Variants in GPC5 observed in about 807,000 individuals in gnomAD.
GPC5 encodes the protein glypican 5.
GPC5 carries 47 observed loss-of-function variants against 53.9 expected under a neutral mutation model. The observed-to-expected ratio is 0.87, with a 90% CI of 0.69 to 1.11. GPC5 has a LOEUF of 1.11. Among genes scored for constraint, GPC5 ranks in the 50% most tolerant of loss-of-function variants. GPC5 has a pLI of 0.00. For synonymous variants in GPC5, 286 were observed against 263.3 expected, an observed-to-expected ratio of 1.09 and a Z score of -0.84; for missense variants, 748 against 713.1, an observed-to-expected ratio of 1.05 and a Z score of -0.56.
chr13:92,831,268 A>G (rs1878034287), intron 7 of GPC5, among the ~76,000 whole-genome samples: 1 of 152,142 alleles, frequency 6.6e-6, no homozygotes, highest in African/African-American at 2.4e-5. Context: ...TTGCACTTGA[A>G]GAGACCTATT....
At chr13:92,584,949 C>T (rs1019123990) in intron 7 of GPC5, among the ~76,000 whole-genome samples, 2 of 152,108 alleles carry the variant, frequency 1.3e-5, no homozygotes, top group Non-Finnish European at 2.9e-5. Flanking sequence ...GGTTTGGGAA[C>T]CTCCACCTAG....
At chr13:92,371,112 T>G (rs574402285) in intron 7 of GPC5, among the ~76,000 whole-genome samples, 1 of 152,328 alleles carries the variant, frequency 6.6e-6, no homozygotes, top group South Asian at 2.1e-4. Flanking sequence ...ATCATGCCAC[T>G]GTACTCCAGC....
At chr13:91,432,275 G>A (rs1183609816) in intron 1 of GPC5, among the ~76,000 whole-genome samples, 2 of 148,886 alleles carry the variant, frequency 1.3e-5, no homozygotes, top group African/African-American at 5.0e-5. Context: ...TGTCTTCTAA[G>A]CTGGTTAACC....
At chr13:92,129,702 A>C (rs2138959825) in intron 6 of GPC5, among the ~76,000 whole-genome samples, 1 of 152,342 alleles carries the variant, frequency 6.6e-6, no homozygotes. Context: ...ATGTCACTGA[A>C]TAGGTTTGCT....
chr13:92,758,398 C>T (rs937511370), intron 7 of GPC5, among the ~76,000 whole-genome samples: 3 of 151,422 alleles, frequency 2.0e-5, no homozygotes, highest in Non-Finnish European at 2.9e-5. Context: ...GTGGGTGCAG[C>T]GCACCAGCAT....
intron 2 of GPC5, among the ~76,000 whole-genome samples, chr13:91,656,694 G>A (rs913106115): frequency 3.3e-5 from 5 of 152,058 alleles, no homozygotes; most frequent in African/African-American, 4.8e-5. Context: ...TTTCATCCAC[G>A]ACCAATCCAC....
chr13:92,163,578 T>C (rs769720261), intron 7 of GPC5, among the ~76,000 whole-genome samples: 2 of 152,124 alleles, frequency 1.3e-5, no homozygotes, highest in South Asian at 2.1e-4. Flanking sequence ...TGGAGGCTAT[T>C]ATATAATTAT....
At chr13:92,262,624 T>C (rs1198870140) in intron 7 of GPC5, among the ~76,000 whole-genome samples, 3 of 152,178 alleles carry the variant, frequency 2.0e-5, no homozygotes, top group Non-Finnish European at 4.4e-5. Flanking sequence ...ACCAATAAAT[T>C]ACAGCCTAGA....
chr13:92,008,921 C>T (rs1566391755), intron 6 of GPC5, among the ~76,000 whole-genome samples: 1 of 152,020 alleles, frequency 6.6e-6, no homozygotes, highest in Non-Finnish European at 1.5e-5. Context: ...TTCAAATTCA[C>T]CAATCTTTCC....
intron 6 of GPC5, among the ~76,000 whole-genome samples, chr13:92,111,636 G>A (rs1370437543): frequency 1.3e-5 from 2 of 151,828 alleles, no homozygotes; most frequent in African/African-American, 4.8e-5. Flanking sequence ...ATAGCAAGGT[G>A]CTACACAAAC....
intron 7 of GPC5, among the ~76,000 whole-genome samples, chr13:92,445,918 C>T (rs1877801789): frequency 6.6e-6 from 1 of 152,084 alleles, no homozygotes; most frequent in South Asian, 2.1e-4. Flanking sequence ...GCATGAGCCA[C>T]TGTGCCAGGC....
intron 7 of GPC5, among the ~76,000 whole-genome samples, chr13:92,613,348 AT>A (rs1250466362): frequency 3.9e-5 from 4 of 102,812 alleles, no homozygotes; most frequent in Admixed American, 1.5e-4. Context: ...ATATTTATAT[AT>A]AAATATATAA....
At chr13:92,629,685 G>T (rs2139129530) in intron 7 of GPC5, among the ~76,000 whole-genome samples, 1 of 152,238 alleles carries the variant, frequency 6.6e-6, no homozygotes, top group Non-Finnish European at 1.5e-5. Context: ...AGTCAGCAAT[G>T]ATTCCGTTCT....
At chr13:91,745,844 C>A (rs1291760119) in intron 4 of GPC5, among the ~76,000 whole-genome samples, 1 of 152,140 alleles carries the variant, frequency 6.6e-6, no homozygotes, top group African/African-American at 2.4e-5. Context: ...TGTGTTCACC[C>A]TCTCTTCCCA....
At chr13:92,679,747 A>G (rs1376468264) in intron 7 of GPC5, among the ~76,000 whole-genome samples, 1 of 152,062 alleles carries the variant, frequency 6.6e-6, no homozygotes, top group Non-Finnish European at 1.5e-5. Context: ...AATTAATATA[A>G]CTAATGGATC....
intron 7 of GPC5, among the ~76,000 whole-genome samples, chr13:92,643,646 A>G (rs1885667373): frequency 2.1e-5 from 3 of 144,276 alleles, no homozygotes; most frequent in Non-Finnish European, 3.1e-5. Context: ...CAAACACCGC[A>G]TATTCTCACT....
intron 6 of GPC5, among the ~76,000 whole-genome samples, chr13:92,136,089 T>C (rs547563856): frequency 9.2e-4 from 140 of 152,134 alleles, no homozygotes; most frequent in African/African-American, 3.1e-3. Context: ...GTTTGGGGAT[T>C]GGGGAAAGGG....
intron 7 of GPC5, among the ~76,000 whole-genome samples, chr13:92,753,260 G>A (rs528881066): frequency 1.3e-5 from 2 of 152,224 alleles, no homozygotes; most frequent in Admixed American, 1.3e-4. Flanking sequence ...TACTCCAACA[G>A]ACCTGCAGCT....
chr13:92,333,207 CA>C (rs972414870), intron 7 of GPC5, among the ~76,000 whole-genome samples: 1 of 152,150 alleles, frequency 6.6e-6, no homozygotes, highest in Non-Finnish European at 1.5e-5. Flanking sequence ...GATTTACCTC[CA>C]GGAACTCTAC....
Sources: gnomAD v4.1 joint callset for allele counts (sites outside exome capture counted in the v4.1 genomes callset) on GRCh38, gnomAD v4.1.1 for gene constraint, MANE v1.5 for transcripts, NCBI Gene and HGNC (gene_info 2026-07-23, HGNC 2026-07-21) for gene names.